The following C8orf34 variants were observed in gnomAD, a reference collection of about 807,000 sequenced individuals.
C8orf34 encodes uncharacterized protein C8orf34.
In C8orf34, 65 loss-of-function variants were observed where a neutral mutation model predicts 68.3. The ratio of observed to expected loss-of-function variants is 0.95; its 90% confidence interval spans 0.78 to 1.17. The LOEUF is 1.17. Among genes scored for constraint, C8orf34 ranks in the 50% most tolerant of loss-of-function variants. C8orf34 has a pLI of 0.00. For synonymous variants in C8orf34, 244 were observed against 241.2 expected (o/e 1.01, Z -0.11); for missense variants, 664 against 655.4 (o/e 1.01, Z -0.14).
At chr8:68,538,890 C>T (rs1026171174) in intron 7 of C8orf34, among the ~76,000 whole-genome samples, 3 of 152,064 alleles carry the variant, frequency 2.0e-5, no homozygotes, top group Non-Finnish European at 4.4e-5. Flanking sequence ...AAAATGTTTT[C>T]TGCCTACATA....
intron 7 of C8orf34, chr8:68,535,389 A>G (rs1257918068): frequency 2.0e-6 from 2 of 984,630 alleles, no homozygotes; most frequent in Non-Finnish European, 2.4e-6. Context: ...TGGCTGAAAA[A>G]TATTTATTAT....
At chr8:68,463,096 T>C (rs1484139780) in intron 3 of C8orf34, among the ~76,000 whole-genome samples, 3 of 151,902 alleles carry the variant, frequency 2.0e-5, no homozygotes, top group African/African-American at 7.3e-5. Flanking sequence ...CAATAAAAAA[T>C]GATAAAGGGG....
At chr8:68,554,168 G>A (rs1816177098) in intron 7 of C8orf34, among the ~76,000 whole-genome samples, 1 of 152,024 alleles carries the variant, frequency 6.6e-6, no homozygotes, top group Non-Finnish European at 1.5e-5. Context: ...CATTCATATA[G>A]CAAAAGTTTG....
chr8:68,530,871 G>A (rs1815213683), intron 6 of C8orf34, among the ~76,000 whole-genome samples: 1 of 152,004 alleles, frequency 6.6e-6, no homozygotes, highest in African/African-American at 2.4e-5. Flanking sequence ...AATAAATATT[G>A]CCAACATGTG....
intron 1 of C8orf34, among the ~76,000 whole-genome samples, chr8:68,360,759 T>TC (rs1554530551): frequency 1.6e-4 from 23 of 148,074 alleles, no homozygotes; most frequent in Non-Finnish European, 1.8e-4. Flanking sequence ...TTCCTTTCTT[T>TC]TTTTTTTTTT....
chr8:68,715,655 T>TA (rs59970473), intron 9 of C8orf34, among the ~76,000 whole-genome samples: 169 of 140,684 alleles, frequency 1.2e-3, no homozygotes, highest in East Asian at 0.01. Context: ...CTATAAAAAA[T>TA]AAAAAAAAAA....
At chr8:68,634,937 C>G (rs1818792191) in intron 7 of C8orf34, among the ~76,000 whole-genome samples, 1 of 152,180 alleles carries the variant, frequency 6.6e-6, no homozygotes, top group Non-Finnish European at 1.5e-5. Context: ...GCTTACAGCA[C>G]TCTGAAGTCT....
intron 1 of C8orf34, among the ~76,000 whole-genome samples, chr8:68,371,101 CT>C (rs1365096653): frequency 6.6e-6 from 1 of 152,130 alleles, no homozygotes; most frequent in Non-Finnish European, 1.5e-5. Context: ...GGAGAGCAAG[CT>C]GCTTCTGCTG....
At chr8:68,477,900 G>A (rs368858717) in intron 4 of C8orf34, among the ~76,000 whole-genome samples, 155 of 152,230 alleles carry the variant, frequency 1.0e-3, no homozygotes, top group African/African-American at 3.5e-3. Context: ...CGGCTGGGAC[G>A]CAGGATGCCA....
At chr8:68,780,495 C>CTGTA (rs774354236) in intron 11 of C8orf34, among the ~76,000 whole-genome samples, 26 of 152,316 alleles carry the variant, frequency 1.7e-4, no homozygotes, top group Non-Finnish European at 3.8e-4. Flanking sequence ...TCACAACCTA[C>CTGTA]TGTACTTTTC....
At chr8:68,635,193 T>C (rs150883639) in intron 7 of C8orf34, among the ~76,000 whole-genome samples, 2 of 152,322 alleles carry the variant, frequency 1.3e-5, no homozygotes, top group Non-Finnish European at 2.9e-5. Context: ...TATTACCTTC[T>C]TTACATATGT....
At chr8:68,417,919 C>T (rs981415817) in intron 1 of C8orf34, among the ~76,000 whole-genome samples, 2 of 151,602 alleles carry the variant, frequency 1.3e-5, no homozygotes, top group Admixed American at 1.3e-4. Context: ...ATTCTTCCTA[C>T]CCATGAGCAT....
intron 6 of C8orf34, among the ~76,000 whole-genome samples, chr8:68,526,327 A>G (rs540763849): frequency 3.3e-5 from 5 of 152,224 alleles, no homozygotes; most frequent in African/African-American, 1.2e-4. Context: ...AGTCATCTGG[A>G]CAGGTTGAAA....
chr8:68,514,096 C>A (rs994686532), intron 5 of C8orf34, among the ~76,000 whole-genome samples: 1 of 152,086 alleles, frequency 6.6e-6, no homozygotes, highest in African/African-American at 2.4e-5. Flanking sequence ...AATTCAGGCT[C>A]GCAGACAATT....
chr8:68,660,401 G>C (rs1051685618), intron 8 of C8orf34, among the ~76,000 whole-genome samples: 1 of 152,122 alleles, frequency 6.6e-6, no homozygotes, highest in Admixed American at 6.5e-5. Flanking sequence ...ACTGCCCATG[G>C]GTGCCAATGC....
intron 7 of C8orf34, among the ~76,000 whole-genome samples, chr8:68,552,144 TTTG>T (rs1171570297): frequency 6.6e-6 from 1 of 152,156 alleles, no homozygotes; most frequent in Non-Finnish European, 1.5e-5. Context: ...ATGTGATATG[TTTG>T]GAAATGAGTA....
chr8:68,493,024 A>C (rs1300103226), intron 5 of C8orf34, among the ~76,000 whole-genome samples: 1 of 152,220 alleles, frequency 6.6e-6, no homozygotes, highest in Non-Finnish European at 1.5e-5. Flanking sequence ...ACTAACGTTA[A>C]TTTCCCATGG....
At chr8:68,559,113 A>C (rs893360657) in intron 7 of C8orf34, among the ~76,000 whole-genome samples, 3 of 152,166 alleles carry the variant, frequency 2.0e-5, no homozygotes, top group Admixed American at 2.0e-4. Flanking sequence ...TCATATTTAC[A>C]TTTTAAAAAG....
intron 5 of C8orf34, among the ~76,000 whole-genome samples, chr8:68,514,792 A>T (rs183686165): frequency 2.2e-4 from 34 of 152,260 alleles, no homozygotes; most frequent in Admixed American, 1.9e-3. Flanking sequence ...TCTTATTTTC[A>T]TTCAACAGTG....
Sources: gnomAD v4.1 joint callset for allele counts (sites outside exome capture counted in the v4.1 genomes callset) on GRCh38, gnomAD v4.1.1 for gene constraint, MANE v1.5 for transcripts, NCBI Gene and HGNC (gene_info 2026-07-23, HGNC 2026-07-21) for gene names.